Variants in CAPS2 observed in about 807,000 individuals in gnomAD.
The protein encoded by CAPS2 is calcyphosine 2, also known as calcyphosin-2.
In CAPS2, 98 loss-of-function variants were observed where a neutral mutation model predicts 86.5. That is an observed-to-expected ratio of 1.13 (90% CI 0.96 to 1.34). The LOEUF is 1.34. Ranked by LOEUF, CAPS2 falls within the 40% of genes most tolerant of loss-of-function variation. The pLI is 0.00. For synonymous variants in CAPS2, 210 were observed against 225.1 expected (o/e 0.93, Z 0.60); for missense variants, 729 against 686.8 (o/e 1.06, Z -0.69).
At chr12:75,385,217 T>A (rs1437748084) in intron 1 of CAPS2, among the ~76,000 whole-genome samples, 1 of 152,172 alleles carries the variant, frequency 6.6e-6, no homozygotes, top group Non-Finnish European at 1.5e-5. Flanking sequence ...TTATTTTTCT[T>A]TATAAATTAC....
intron 13 of CAPS2, among the ~76,000 whole-genome samples, chr12:75,291,454 C>G (rs1305915059): frequency 9.4e-6 from 1 of 106,480 alleles, no homozygotes; most frequent in East Asian, 3.1e-4. Context: ...AATCTTAAAA[C>G]GTTTAGAAAT....
chr12:75,280,943 C>T (rs769531643), intron 16 of CAPS2, among the ~76,000 whole-genome samples: 1 of 151,666 alleles, frequency 6.6e-6, no homozygotes, highest in Admixed American at 6.6e-5. Flanking sequence ...TAATAGTATT[C>T]TATAGTATTT....
intron 14 of CAPS2, among the ~76,000 whole-genome samples, chr12:75,286,417 GA>G (rs2034874073): frequency 6.6e-6 from 1 of 151,786 alleles, no homozygotes. Context: ...TACTAGAATT[GA>G]AAGATACTTC....
At chr12:75,340,274 G>C (rs866625795) in intron 1 of CAPS2, among the ~76,000 whole-genome samples, 1 of 151,706 alleles carries the variant, frequency 6.6e-6, no homozygotes, top group Non-Finnish European at 1.5e-5. Context: ...GTGTGTGCTA[G>C]TGTCTTTTTC....
intron 11 of CAPS2, among the ~76,000 whole-genome samples, chr12:75,297,335 G>A (rs1204912348): frequency 6.6e-6 from 1 of 152,164 alleles, no homozygotes; most frequent in African/African-American, 2.4e-5. Flanking sequence ...TATGTATAGT[G>A]TATAGTGTAT....
chr12:75,329,347 G>C (rs963599540), upstream of CAPS2, among the ~76,000 whole-genome samples: 4 of 152,180 alleles, frequency 2.6e-5, no homozygotes, highest in Admixed American at 1.3e-4. Context: ...AAAAGGAAGG[G>C]AAAGCACTTC....
intron 11 of CAPS2, among the ~76,000 whole-genome samples, chr12:75,297,299 A>G (rs1208225232): frequency 2.6e-5 from 4 of 152,192 alleles, no homozygotes; most frequent in African/African-American, 9.7e-5. Flanking sequence ...TTTTCTCTAG[A>G]TCTCAAGAGG....
At chr12:75,311,716 AAAAAAAAC>A (rs1565874102) in intron 7 of CAPS2, among the ~76,000 whole-genome samples, 6,548 of 29,152 alleles carry the variant, frequency 0.22, 1,533 homozygotes, top group Non-Finnish European at 0.29. Context: ...AAAAAACAAA[AAAAAAAAC>A]AAAAAAAAAA....
upstream of CAPS2, among the ~76,000 whole-genome samples, chr12:75,332,554 A>C (rs985300284): frequency 6.6e-6 from 1 of 152,214 alleles, no homozygotes; most frequent in Non-Finnish European, 1.5e-5. Context: ...TGATTAAGTC[A>C]AAAATATTTA....
intron 1 of CAPS2, among the ~76,000 whole-genome samples, chr12:75,346,080 GTTTC>G (rs1370740776): frequency 6.6e-6 from 1 of 152,026 alleles, no homozygotes; most frequent in Non-Finnish European, 1.5e-5. Context: ...ATTACATCTA[GTTTC>G]TTTAATGAAA....
At chr12:75,335,974 C>A (rs958860955) in intron 1 of CAPS2, among the ~76,000 whole-genome samples, 1 of 151,774 alleles carries the variant, frequency 6.6e-6, no homozygotes, top group Non-Finnish European at 1.5e-5. Context: ...CTTTATATTT[C>A]TTTTGTACTC....
intron 7 of CAPS2, among the ~76,000 whole-genome samples, chr12:75,308,852 G>A (rs766182284): frequency 7.4e-5 from 10 of 134,882 alleles, no homozygotes; most frequent in Non-Finnish European, 1.2e-4. Context: ...GCAGTGAGCC[G>A]AGATCACACC....
At chr12:75,334,343 A>T (rs148231860), upstream of CAPS2, 178 of 308,856 alleles carry the variant, frequency 5.8e-4, 1 homozygote, top group South Asian at 4.1e-3. Flanking sequence ...AGTGCTTTGC[A>T]CTCGACTGGC....
chr12:75,294,968 G>C (rs932835421), intron 11 of CAPS2: 1 of 152,260 alleles, frequency 6.6e-6, no homozygotes, highest in Admixed American at 6.5e-5. Context: ...CCTCACTGGG[G>C]AGAGGGAAAT....
chr12:75,351,206 A>T (rs1040433016), intron 1 of CAPS2, among the ~76,000 whole-genome samples: 8 of 152,298 alleles, frequency 5.3e-5, no homozygotes, highest in Admixed American at 2.0e-4. Context: ...TGAACCTATG[A>T]CTGATTGGGG....
chr12:75,335,140 G>A (rs929641487), intron 1 of CAPS2, among the ~76,000 whole-genome samples: 7 of 152,160 alleles, frequency 4.6e-5, no homozygotes, highest in African/African-American at 1.7e-4. Context: ...TGCTGGAGCA[G>A]TGTTTGGAAG....
intron 2 of CAPS2, 68 bp from the exon 4 acceptor site, chr12:75,323,290 T>C (rs904803818): frequency 2.1e-5 from 26 of 1,260,434 alleles, no homozygotes; most frequent in East Asian, 2.6e-5. Context: ...AAATCTTATA[T>C]GTTACATGTT....
chr12:75,318,196 T>C (rs2039966619), intron 5 of CAPS2: 1 of 152,184 alleles, frequency 6.6e-6, no homozygotes, highest in Non-Finnish European at 1.5e-5. Flanking sequence ...TTCAAAAATC[T>C]TCTTAGCCCT....
Position 75,282,247 on chromosome 12 carries a change from T to A in CAPS2, c.1612+4A>T. On this transcript the variant is annotated splice_donor_region_variant and intron_variant, in intron 16 of 16. Transcript: ENST00000393284. ...TCCAATGCATTTTAACTCCGAATAA[T>A]TACCTGAAATTACTTGAGAATGCTT... The A allele has an allele frequency of 6.9e-7, 1 of 1,444,822 alleles. No individual in the cohort carries two copies. Among genetic ancestry groups the A allele is most frequent in the South Asian group, 1.1e-5 (1 of 87,478 alleles). The allele number at this position is 1,444,822 out of a possible 1,614,324, so 89.5% of individuals were successfully genotyped here. A position where few individuals can be genotyped will look rare whatever the true frequency, so the allele number is the denominator to read the frequency against.
Sources: gnomAD v4.1 joint callset for allele counts (sites outside exome capture counted in the v4.1 genomes callset) on GRCh38, gnomAD v4.1.1 for gene constraint, MANE v1.5 for transcripts, NCBI Gene and HGNC (gene_info 2026-07-23, HGNC 2026-07-21) for gene names.